DCC: variants seen among roughly 807,000 people sequenced by gnomAD.
DCC encodes the protein netrin receptor DCC.
Under a neutral mutation model 172.5 loss-of-function variants are expected in DCC, and 58 were observed. The ratio of observed to expected loss-of-function variants is 0.34; its 90% CI spans 0.27 to 0.42. DCC has a LOEUF of 0.42. DCC is among the 10% of genes least tolerant of loss of function. The pLI, the probability that DCC is intolerant of heterozygous loss-of-function variation, is 1.00. For synonymous variants in DCC, 709 were observed against 644.5 expected (o/e 1.10, Z -1.52); for missense variants, 1,740 against 1,791.0 (o/e 0.97, Z 0.51).
At chr18:53,065,939 T>G in intron 6 of DCC, 107 bp from the exon 7 acceptor site, 1 of 1,374,544 alleles carries the variant, frequency 7.3e-7, no homozygotes, top group Non-Finnish European at 1.0e-6. Flanking sequence ...CCTCTCCTCT[T>G]GTTTCTTCTG....
intron 7 of DCC, among the ~76,000 whole-genome samples, chr18:53,118,075 C>A (rs1428902790): frequency 6.6e-6 from 1 of 151,760 alleles, no homozygotes; most frequent in Admixed American, 6.6e-5. Context: ...GAGTTGATTA[C>A]ACACAAGTCA....
chr18:52,441,723 G>A (rs1192614615), intron 1 of DCC, among the ~76,000 whole-genome samples: 1 of 152,134 alleles, frequency 6.6e-6, no homozygotes, highest in East Asian at 1.9e-4. Flanking sequence ...AGTACTTCAA[G>A]CACCTAAGGG....
At chr18:53,048,396 G>A (rs1190035666) in intron 5 of DCC, among the ~76,000 whole-genome samples, 9 of 151,538 alleles carry the variant, frequency 5.9e-5, no homozygotes, top group African/African-American at 1.7e-4. Flanking sequence ...CTGTTTCTGC[G>A]TTAGTTTGCT....
At chr18:53,163,472 AG>A (rs1227540281) in intron 8 of DCC, among the ~76,000 whole-genome samples, 2 of 152,194 alleles carry the variant, frequency 1.3e-5, no homozygotes, top group Non-Finnish European at 2.9e-5. Flanking sequence ...TTGTTCATGT[AG>A]GTTTATTTAG....
intron 1 of DCC, among the ~76,000 whole-genome samples, chr18:52,585,044 AT>A (rs1308974961): frequency 6.6e-5 from 10 of 152,220 alleles, no homozygotes; most frequent in African/African-American, 2.4e-4. Flanking sequence ...TAGCTAACAT[AT>A]CACTAAGACG....
At chr18:52,711,699 C>A (rs1302092345) in intron 1 of DCC, among the ~76,000 whole-genome samples, 2 of 152,220 alleles carry the variant, frequency 1.3e-5, no homozygotes, top group Admixed American at 6.5e-5. Flanking sequence ...TGCCACTACC[C>A]CACTACATTC....
intron 21 of DCC, among the ~76,000 whole-genome samples, chr18:53,426,386 CAT>C (rs969830157): frequency 2.0e-4 from 28 of 137,278 alleles, no homozygotes; most frequent in African/African-American, 6.4e-4. Context: ...TGTTATATAT[CAT>C]ATATATTTAT....
At chr18:53,425,914 T>C (rs928603155) in intron 21 of DCC, among the ~76,000 whole-genome samples, 4 of 152,116 alleles carry the variant, frequency 2.6e-5, no homozygotes, top group Admixed American at 6.6e-5. Flanking sequence ...CTAAAATATA[T>C]GTGTAATTAG....
At chr18:53,383,109 T>C (rs1907892757) in intron 15 of DCC, among the ~76,000 whole-genome samples, 1 of 152,130 alleles carries the variant, frequency 6.6e-6, no homozygotes, top group South Asian at 2.1e-4. Context: ...AGAGGCTAGA[T>C]CAGACTAAGT....
At chr18:52,650,820 C>T (rs2035117741) in intron 1 of DCC, among the ~76,000 whole-genome samples, 1 of 152,146 alleles carries the variant, frequency 6.6e-6, no homozygotes, top group Admixed American at 6.5e-5. Flanking sequence ...GAGAAAGTAC[C>T]ATTGAACAGC....
chr18:52,720,765 G>T lies in DCC; in HGVS notation c.92-31289G>T, dbSNP rs576986450. The stretch of plus-strand genomic sequence containing the variant: ...TGTGACACAGAGCTCTTCCTGTGTG[G>T]TTACCAATTCTGTACTTGCAGGTAC... On this transcript the variant is annotated intron_variant, in intron 1 of 28. Coordinates refer to ENST00000442544, the MANE Select transcript of DCC (RefSeq NM_005215.4). Among the ~76,000 whole-genome samples, 6 of 152,272 alleles carry T rather than the reference G, an allele frequency of 3.9e-5. No homozygotes were observed. The South Asian group carries it at 1.0e-3, about 26-fold the overall frequency.
intron 1 of DCC, among the ~76,000 whole-genome samples, chr18:52,728,273 T>A (rs975389304): frequency 1.3e-5 from 2 of 152,212 alleles, no homozygotes; most frequent in African/African-American, 4.8e-5. Context: ...TAGTTGTTAC[T>A]GTTATAAATT....
chr18:53,438,477 TA>T (rs1912083006), intron 22 of DCC, among the ~76,000 whole-genome samples: 1 of 152,168 alleles, frequency 6.6e-6, no homozygotes, highest in Non-Finnish European at 1.5e-5. Flanking sequence ...GAGTAATAGA[TA>T]AAGAAAAATT....
intron 1 of DCC, among the ~76,000 whole-genome samples, chr18:52,572,675 C>T (rs770151833): frequency 5.9e-5 from 9 of 152,144 alleles, no homozygotes; most frequent in African/African-American, 1.9e-4. Context: ...ACCTCCCATT[C>T]TTGACGTGGG....
intron 12 of DCC, among the ~76,000 whole-genome samples, chr18:53,302,138 C>T (rs1215219114): frequency 6.6e-6 from 1 of 152,032 alleles, no homozygotes; most frequent in South Asian, 2.1e-4. Context: ...AAGACCTACC[C>T]TCGTGAACTA....
chr18:52,455,919 C>A (rs1988443383), intron 1 of DCC, among the ~76,000 whole-genome samples: 2 of 152,214 alleles, frequency 1.3e-5, no homozygotes, highest in South Asian at 4.1e-4. Context: ...AAGTTAAAAT[C>A]AAAATTCTGG....
chr18:52,918,393 G>A (rs2040071493), intron 3 of DCC, among the ~76,000 whole-genome samples: 1 of 152,098 alleles, frequency 6.6e-6, no homozygotes, highest in South Asian at 2.1e-4. Flanking sequence ...AGAATTTTAA[G>A]TTCACATCTC....
At chr18:53,076,810 G>T (rs1214896134) in intron 7 of DCC, among the ~76,000 whole-genome samples, 1 of 152,162 alleles carries the variant, frequency 6.6e-6, no homozygotes, top group Non-Finnish European at 1.5e-5. Context: ...ATAGTGATTT[G>T]TTGGGAGCTC....
At chr18:52,814,013 C>T (rs2038244863) in intron 2 of DCC, among the ~76,000 whole-genome samples, 1 of 152,220 alleles carries the variant, frequency 6.6e-6, no homozygotes, top group East Asian at 1.9e-4. Context: ...CTTGGTACTT[C>T]ATAACCATTA....
Sources: allele counts gnomAD v4.1 joint callset (sites outside exome capture counted in the v4.1 genomes callset), GRCh38; gene constraint gnomAD v4.1.1; transcripts MANE v1.5; gene names NCBI Gene and HGNC (gene_info 2026-07-23, HGNC 2026-07-21).